The following PDE8B variants were observed in gnomAD, a reference collection of about 807,000 sequenced individuals.
The protein encoded by PDE8B is high affinity cAMP-specific and IBMX-insensitive 3',5'-cyclic phosphodiesterase 8B.
PDE8B carries 26 observed loss-of-function variants against 101.3 expected under a neutral mutation model. The observed-to-expected ratio is 0.26, with a 90% CI of 0.19 to 0.36. PDE8B has a LOEUF of 0.36. PDE8B is among the 10% of genes least tolerant of loss of function. The pLI is 1.00. For synonymous variants in PDE8B, 424 were observed against 429.3 expected (o/e 0.99, Z 0.15); for missense variants, 810 against 1,163.1 (o/e 0.70, Z 4.42).
chr5:77,354,373 A>G (rs1406609601), intron 10 of PDE8B, among the ~76,000 whole-genome samples: 1 of 152,212 alleles, frequency 6.6e-6, no homozygotes, highest in Non-Finnish European at 1.5e-5. Flanking sequence ...CAGCACTGAG[A>G]ATCTCATCTG....
the PDE8B span, among the ~76,000 whole-genome samples, chr5:77,177,285 T>G: frequency 6.6e-6 from 1 of 152,240 alleles, no homozygotes; most frequent in Non-Finnish European, 1.5e-5. Context: ...AGGGATATGT[T>G]CCAGGATTCC....
At position 77,275,938 on chromosome 5, in the gene PDE8B, G is replaced by T. The variant is rs1470739976; in HGVS notation, c.340-36056G>T. ...GGGATATAAATATCTATACTGTTGTGCTCTGAACTAAAGCAAGTAGTATAT... is the reference window on the plus strand; with the variant it reads ...GGGATATAAATATCTATACTGTTGTTCTCTGAACTAAAGCAAGTAGTATAT... On this transcript the variant is annotated intron_variant, in intron 1 of 21. Coordinates refer to ENST00000264917, the MANE Select transcript of PDE8B (RefSeq NM_003719.5). Among the ~76,000 whole-genome samples, 147 of 152,124 alleles carry T rather than the reference G, an allele frequency of 9.7e-4. 1 individual carries two copies. The highest frequency in any genetic ancestry group is 9.6e-3 in the Admixed American group (147 of 15,272).
chr5:77,167,183 G>A, the PDE8B span, among the ~76,000 whole-genome samples: 4 of 152,330 alleles, frequency 2.6e-5, no homozygotes, highest in East Asian at 7.7e-4. Flanking sequence ...CCAGGTCATA[G>A]CAGGCACTAA....
intron 1 of PDE8B, among the ~76,000 whole-genome samples, chr5:77,217,149 C>T (rs1477850053): frequency 3.3e-5 from 5 of 152,046 alleles, no homozygotes; most frequent in Non-Finnish European, 7.4e-5. Context: ...TTCATTCTGT[C>T]CCCTGACTGC....
intron 10 of PDE8B, among the ~76,000 whole-genome samples, chr5:77,390,415 G>C (rs1462918553): frequency 6.6e-6 from 1 of 152,200 alleles, no homozygotes. Flanking sequence ...CACAGGCCAA[G>C]GAGAGCAGTA....
intron 1 of PDE8B, among the ~76,000 whole-genome samples, chr5:77,295,997 A>AT (rs1326389960): frequency 1.3e-5 from 2 of 152,182 alleles, no homozygotes; most frequent in African/African-American, 4.8e-5. Context: ...AAATCCTGGG[A>AT]TAAACTGAGT....
At chr5:77,352,685 G>A (rs1021668164) in intron 9 of PDE8B, among the ~76,000 whole-genome samples, 4 of 152,116 alleles carry the variant, frequency 2.6e-5, no homozygotes, top group Admixed American at 1.3e-4. Context: ...GCTTCTGGGG[G>A]CAAAAAACCT....
At chr5:77,155,444 G>T in the PDE8B span, among the ~76,000 whole-genome samples, 1 of 152,264 alleles carries the variant, frequency 6.6e-6, no homozygotes, top group African/African-American at 2.4e-5. Flanking sequence ...TGACCAGAGA[G>T]CTTTGTTAAA....
At chr5:77,132,087 G>A in the PDE8B span, among the ~76,000 whole-genome samples, 1 of 152,134 alleles carries the variant, frequency 6.6e-6, no homozygotes, top group Non-Finnish European at 1.5e-5. Flanking sequence ...TAAAATAGAT[G>A]AAATTTGCTC....
chr5:77,400,107 T>C (rs967484134), intron 10 of PDE8B, 141 bp from the exon 11 acceptor site: 4 of 674,600 alleles, frequency 5.9e-6, no homozygotes, highest in African/African-American at 5.3e-5. Flanking sequence ...TGTATGTCTT[T>C]CATCTGTTCA....
At chr5:77,101,557 A>G in the PDE8B span, among the ~76,000 whole-genome samples, 1 of 152,176 alleles carries the variant, frequency 6.6e-6, no homozygotes, top group Non-Finnish European at 1.5e-5. Context: ...GCACTATGTT[A>G]GAAGGATCTC....
chr5:77,170,631 G>A, the PDE8B span, among the ~76,000 whole-genome samples: 1 of 152,162 alleles, frequency 6.6e-6, no homozygotes, highest in Non-Finnish European at 1.5e-5. Flanking sequence ...TGAGTTTCTA[G>A]GAGATACATG....
At chr5:77,159,931 T>G in the PDE8B span, among the ~76,000 whole-genome samples, 2 of 152,198 alleles carry the variant, frequency 1.3e-5, no homozygotes, top group Non-Finnish European at 2.9e-5. Context: ...AGATTAAATT[T>G]TACTTCCCAG....
At chr5:77,175,067 T>C in the PDE8B span, among the ~76,000 whole-genome samples, 1 of 152,188 alleles carries the variant, frequency 6.6e-6, no homozygotes, top group Non-Finnish European at 1.5e-5. Context: ...GTTTTTTTCC[T>C]TCTCCTTACT....
chr5:77,126,255 A>G, the PDE8B span, among the ~76,000 whole-genome samples: 1 of 152,022 alleles, frequency 6.6e-6, no homozygotes, highest in Non-Finnish European at 1.5e-5. Context: ...ACTACATTCC[A>G]GCCTGGGCGA....
intron 2 of PDE8B, among the ~76,000 whole-genome samples, chr5:77,321,325 AT>A (rs1775031340): frequency 6.6e-6 from 1 of 151,658 alleles, no homozygotes; most frequent in African/African-American, 2.4e-5. Context: ...CTAATTTTGT[AT>A]TTTTGGTAGA....
chr5:77,186,431 G>C, the PDE8B span, among the ~76,000 whole-genome samples: 1 of 152,190 alleles, frequency 6.6e-6, no homozygotes, highest in East Asian at 1.9e-4. Flanking sequence ...GTTTTTCTAA[G>C]AGGCACCCTC....
At chr5:77,386,865 C>CTTTTTTTTTTTGTTTTT in intron 10 of PDE8B, among the ~76,000 whole-genome samples, 1 of 51,060 alleles carries the variant, frequency 2.0e-5, no homozygotes, top group Non-Finnish European at 3.3e-5. Flanking sequence ...GATGTAGTTT[C>CTTTTTTTTTTTGTTTTT]TTTTTTTTTT....
chr5:77,149,738 C>G, the PDE8B span, among the ~76,000 whole-genome samples: 1 of 152,070 alleles, frequency 6.6e-6, no homozygotes. Context: ...TCGATTAGTT[C>G]TAGATATTTT....
Sources: allele counts gnomAD v4.1 joint callset (sites outside exome capture counted in the v4.1 genomes callset), GRCh38; gene constraint gnomAD v4.1.1; transcripts MANE v1.5; gene names NCBI Gene and HGNC (gene_info 2026-07-23, HGNC 2026-07-21).